SETD2: variants seen among roughly 807,000 people sequenced by gnomAD.
SETD2 encodes the protein SET domain containing 2, histone lysine methyltransferase, also known as histone-lysine N-methyltransferase SETD2.
In SETD2, 31 loss-of-function variants were observed where a neutral mutation model predicts 242.1. The observed-to-expected ratio is 0.13, with a 90% confidence interval of 0.10 to 0.17. The LOEUF (loss-of-function observed/expected upper bound fraction) is 0.17. SETD2 is among the 10% of genes least tolerant of loss of function. SETD2 has a pLI of 1.00. For synonymous variants in SETD2, 1,006 were observed against 1,066.5 expected, an observed-to-expected ratio of 0.94 and a Z score of 1.11; for missense variants, 2,481 against 3,046.3, an observed-to-expected ratio of 0.81 and a Z score of 4.37.
At chr3:47,075,892 G>A (rs369334165) in intron 12 of SETD2, among the ~76,000 whole-genome samples, 5 of 152,148 alleles carry the variant, frequency 3.3e-5, no homozygotes, top group East Asian at 1.9e-4. Context: ...CTAGGGATTC[G>A]AGAAGCAGTA....
chr3:47,030,225 AAAG>A (rs1340205313), intron 18 of SETD2, among the ~76,000 whole-genome samples: 11 of 152,192 alleles, frequency 7.2e-5, no homozygotes, highest in African/African-American at 2.2e-4. Context: ...TAAAAATAAA[AAAG>A]AAATTAAAAC....
chr3:47,030,616 A>G (rs1197826658), intron 18 of SETD2, among the ~76,000 whole-genome samples: 1 of 152,256 alleles, frequency 6.6e-6, no homozygotes, highest in Non-Finnish European at 1.5e-5. Context: ...AAACCAAGGT[A>G]TACCACAAAC....
In SETD2 at chr3:47,083,967, A is replaced by C; in HGVS notation, c.5813T>G (p.Val1938Gly). 1.2e-6 allele frequency: 2 copies of C among 1,614,152 alleles called. No homozygotes were observed. The highest frequency in any genetic ancestry group is 1.7e-6 in the Non-Finnish European group (2 of 1,180,020). Residue 1938 changes from valine (V) to glycine (G), a missense_variant, in exon 12 of 21, where the codon GTT (valine) becomes GGT (glycine). This residue lies in a region of SETD2 where 203 missense variants were observed against 222.4 expected (regional missense o/e 0.91). Coordinates refer to ENST00000409792, the MANE Select transcript of SETD2 (RefSeq NM_014159.7). ...AGCTTCTATGTTGGTTTCACTATCA[A>C]CTTTGCATTCAGGCAGCTGTTGTGG... ...LLPQQLPECK[V>G]DSETNIEASK... is the part of the protein sequence containing the mutation.
In SETD2 at chr3:47,127,982, GTC is replaced by G. The variant is rs1028726034; in HGVS notation, c.72-1321_72-1320del. 9.6e-5 allele frequency among the ~76,000 whole-genome samples: 12 copies of G among 125,610 alleles called. No individual in the cohort carries two copies. The South Asian group carries it at 1.5e-3, about 16-fold the overall frequency. The allele number at this position is 125,610 out of a possible 152,430, so 82.4% of individuals were successfully genotyped here. ...AGTCTGAGCAACTGAGTGAAAACCTGTCTCTCTCTCTCACACACACACACACA... is the reference window on the plus strand; with the variant it reads ...AGTCTGAGCAACTGAGTGAAAACCTGTCTCTCTCTCACACACACACACACA... On this transcript the variant is annotated intron_variant, in intron 1 of 20. Coordinates refer to ENST00000409792, the MANE Select transcript of SETD2 (RefSeq NM_014159.7).
chr3:47,128,640 C>A (rs140094133), intron 1 of SETD2, among the ~76,000 whole-genome samples: 151 of 152,168 alleles, frequency 9.9e-4, no homozygotes, highest in African/African-American at 3.4e-3. Context: ...TGAAGCAGTG[C>A]CAAAATTAAC....
intron 18 of SETD2, among the ~76,000 whole-genome samples, chr3:47,030,670 GA>G (rs937144603): frequency 2.0e-5 from 3 of 151,986 alleles, no homozygotes; most frequent in African/African-American, 7.2e-5. Context: ...ACATATGGGG[GA>G]AAAAGATAAT....
At chr3:47,154,496 A>G (rs552897389) in intron 1 of SETD2, among the ~76,000 whole-genome samples, 2 of 152,302 alleles carry the variant, frequency 1.3e-5, no homozygotes, top group South Asian at 4.1e-4. Flanking sequence ...AAAAATACAT[A>G]CAGTAATATG....
intron 3 of SETD2, among the ~76,000 whole-genome samples, chr3:47,116,999 C>T (rs766925875): frequency 3.9e-5 from 6 of 151,904 alleles, no homozygotes; most frequent in Non-Finnish European, 8.8e-5. Flanking sequence ...CATGCCACCA[C>T]GCTTGGTTTT....
intron 16 of SETD2, among the ~76,000 whole-genome samples, chr3:47,046,227 C>T (rs1454058882): frequency 6.6e-6 from 1 of 151,518 alleles, no homozygotes; most frequent in African/African-American, 2.4e-5. Flanking sequence ...ATCCCAGCTA[C>T]TCAGGTGGCT....
intron 15 of SETD2, 142 bp from the exon 16 acceptor site, chr3:47,046,763 A>G: frequency 1.6e-6 from 1 of 623,232 alleles, no homozygotes; most frequent in Non-Finnish European, 2.3e-6. Flanking sequence ...TAAATGTGCA[A>G]AACAATTTTT....
intron 12 of SETD2, among the ~76,000 whole-genome samples, chr3:47,072,681 C>T (rs1484581492): frequency 6.6e-6 from 1 of 152,042 alleles, no homozygotes; most frequent in African/African-American, 2.4e-5. Context: ...CACGGTGACT[C>T]AAGCCTGTAA....
chr3:47,105,933 A>C, intron 6 of SETD2, 64 bp downstream of exon 6: 1 of 1,400,304 alleles, frequency 7.1e-7, no homozygotes, highest in South Asian at 1.3e-5. Context: ...AAATCAAATC[A>C]GTATCAATGG....
intron 5 of SETD2, among the ~76,000 whole-genome samples, chr3:47,112,445 C>T (rs2042694104): frequency 6.6e-6 from 1 of 152,130 alleles, no homozygotes; most frequent in Non-Finnish European, 1.5e-5. Flanking sequence ...CCACATCCAG[C>T]TAATTTTTGT....
chr3:47,098,178 TCAAA>T (rs1434561646), intron 8 of SETD2, 97 bp from the exon 9 acceptor site: 7 of 1,273,108 alleles, frequency 5.5e-6, no homozygotes, highest in African/African-American at 3.0e-5. Flanking sequence ...CTAAACAAAA[TCAAA>T]CAAACAAAAA....
chr3:47,153,992 C>T (rs537727565), intron 1 of SETD2, among the ~76,000 whole-genome samples: 5 of 152,272 alleles, frequency 3.3e-5, no homozygotes, highest in East Asian at 3.9e-4. Context: ...ACACCTTCCA[C>T]GTAGCACAAT....
At chr3:47,113,221 G>GCTTC (rs371270276) in intron 5 of SETD2, among the ~76,000 whole-genome samples, 20 of 151,526 alleles carry the variant, frequency 1.3e-4, no homozygotes, top group African/African-American at 3.1e-4. Flanking sequence ...CTCCCACTTA[G>GCTTC]CTTCCCATAG....
In SETD2 at chr3:47,110,654, C is replaced by T. The variant is rs181724925; in HGVS notation, c.4715+3222G>A. Among the ~76,000 whole-genome samples the T allele has an allele frequency of 1.6e-3, 246 of 152,202 alleles. 2 individuals are homozygous for T. The highest frequency in any genetic ancestry group is 5.6e-3 in the African/African-American group (231 of 41,504). On this transcript the variant is annotated intron_variant, in intron 5 of 20. Coordinates refer to ENST00000409792, the MANE Select transcript of SETD2 (RefSeq NM_014159.7). Reference sequence around the variant, plus strand: ...AATCTGTCCTTATTAAATGGTAATACTCTACCAGTAAACAACGCAAGAGTT... The same window carrying T: ...AATCTGTCCTTATTAAATGGTAATATTCTACCAGTAAACAACGCAAGAGTT...
At chr3:47,161,174 C>G (rs1002909605) in intron 1 of SETD2, among the ~76,000 whole-genome samples, 8 of 152,192 alleles carry the variant, frequency 5.3e-5, no homozygotes, top group African/African-American at 1.9e-4. Flanking sequence ...TACCTTTTAA[C>G]TTTTCCCTGA....
intron 14 of SETD2, among the ~76,000 whole-genome samples, chr3:47,059,592 G>T (rs544645020): frequency 2.0e-5 from 3 of 150,106 alleles, no homozygotes; most frequent in South Asian, 4.2e-4. Context: ...GGTAATCTTT[G>T]TATTTTTAGT....
Sources: allele counts gnomAD v4.1 joint callset (sites outside exome capture counted in the v4.1 genomes callset), GRCh38; gene constraint gnomAD v4.1.1; regional missense constraint gnomAD v4.1.1; transcripts MANE v1.5; gene names NCBI Gene and HGNC (gene_info 2026-07-23, HGNC 2026-07-21).